Variants in NRG1 observed in about 807,000 individuals in gnomAD.
The protein encoded by NRG1 is pro-neuregulin-1, membrane-bound isoform.
A neutral mutation model predicts 63.8 loss-of-function variants in NRG1; 18 were observed. That is an observed-to-expected ratio of 0.28 (90% CI 0.19 to 0.42). The LOEUF is 0.42. Ranked by LOEUF, NRG1 falls within the 10% of genes least tolerant of loss-of-function variation. The probability of loss-of-function intolerance (pLI) is 1.00; values close to 1 mark genes in which losing one functional copy is unlikely to be tolerated. For synonymous variants in NRG1, 302 were observed against 301.3 expected (o/e 1.00, Z -0.02); for missense variants, 762 against 814.7 (o/e 0.94, Z 0.79).
At chr8:32,726,011 C>T (rs1011149099) in intron 5 of NRG1, among the ~76,000 whole-genome samples, 4 of 152,092 alleles carry the variant, frequency 2.6e-5, no homozygotes, top group Non-Finnish European at 4.4e-5. Context: ...CCTGTCTACT[C>T]ATTCTTTCTT....
intron 1 of NRG1, among the ~76,000 whole-genome samples, chr8:31,870,915 T>G (rs2129611533): frequency 6.6e-6 from 1 of 152,294 alleles, no homozygotes; most frequent in African/African-American, 2.4e-5. Context: ...AGGATGATGG[T>G]TTGGGAGATA....
At chr8:32,043,630 A>G (rs1042095127) in intron 1 of NRG1, among the ~76,000 whole-genome samples, 1 of 151,972 alleles carries the variant, frequency 6.6e-6, no homozygotes, top group Non-Finnish European at 1.5e-5. Context: ...TCCAGTATGC[A>G]TATTTAATTT....
chr8:31,891,460 TG>T (rs1264432384), intron 1 of NRG1, among the ~76,000 whole-genome samples: 2 of 152,046 alleles, frequency 1.3e-5, no homozygotes, highest in African/African-American at 4.8e-5. Flanking sequence ...ACTATCAAAA[TG>T]GCTAAAATAA....
At chr8:32,733,057 T>G (rs1253782943) in intron 6 of NRG1, among the ~76,000 whole-genome samples, 1 of 152,166 alleles carries the variant, frequency 6.6e-6, no homozygotes, top group Admixed American at 6.5e-5. Context: ...TCCACCTGCC[T>G]TGGCCTCCCA....
In NRG1 at chr8:31,835,189, C is replaced by T. The variant is rs527813223; in HGVS notation, c.37+195758C>T. ...AAATCTGTGAACTAGGAATTATGAA[C>T]GCATTTTACAAAACAGGACTCGTTG... On this transcript the variant is annotated intron_variant, in intron 1 of 10. Transcript: ENST00000519301. Among the ~76,000 whole-genome samples, 28 of 152,226 alleles carry T rather than the reference C, an allele frequency of 1.8e-4. No homozygotes were observed. In the South Asian group the frequency reaches 2.5e-3, roughly 14 times the overall value.
At chr8:32,600,398 G>A (rs975492730) in intron 2 of NRG1, among the ~76,000 whole-genome samples, 15 of 151,750 alleles carry the variant, frequency 9.9e-5, no homozygotes, top group Admixed American at 8.6e-4. Flanking sequence ...AACCAAAACT[G>A]TATAAACAGA....
At chr8:32,608,092 G>GTTTTTTTTTTTTT (rs1226154193) in intron 3 of NRG1, among the ~76,000 whole-genome samples, 6 of 106,192 alleles carry the variant, frequency 5.7e-5, no homozygotes, top group African/African-American at 6.7e-5. Flanking sequence ...GGTTTTTTTT[G>GTTTTTTTTTTTTT]TTTTTTTTTT....
At chr8:32,112,732 C>T (rs1361584977) in intron 1 of NRG1, among the ~76,000 whole-genome samples, 2 of 152,110 alleles carry the variant, frequency 1.3e-5, no homozygotes, top group Admixed American at 1.3e-4. Context: ...ATATGAGTGC[C>T]TCCCTCTATA....
At chr8:32,529,805 C>T (rs1831256952) in intron 1 of NRG1, among the ~76,000 whole-genome samples, 1 of 152,168 alleles carries the variant, frequency 6.6e-6, no homozygotes, top group Admixed American at 6.5e-5. Context: ...GATAACAATA[C>T]TTTCTTCTGG....
chr8:31,694,369 T>C (rs1249415726), intron 1 of NRG1, among the ~76,000 whole-genome samples: 1 of 152,202 alleles, frequency 6.6e-6, no homozygotes, highest in Non-Finnish European at 1.5e-5. Flanking sequence ...AATTGTTAAA[T>C]TACTAAATTA....
chr8:32,376,763 C>A (rs968916853), intron 1 of NRG1, among the ~76,000 whole-genome samples: 14 of 152,276 alleles, frequency 9.2e-5, no homozygotes, highest in African/African-American at 3.4e-4. Flanking sequence ...GCTTTTGATT[C>A]TGACCATGAT....
At chr8:32,383,087 A>G (rs1810556413) in intron 1 of NRG1, among the ~76,000 whole-genome samples, 1 of 151,456 alleles carries the variant, frequency 6.6e-6, no homozygotes, top group Non-Finnish European at 1.5e-5. Flanking sequence ...TTAGATGGGC[A>G]TGGTGGCACA....
At chr8:31,714,873 C>T (rs750539325) in intron 1 of NRG1, among the ~76,000 whole-genome samples, 2 of 152,104 alleles carry the variant, frequency 1.3e-5, no homozygotes, top group Non-Finnish European at 2.9e-5. Flanking sequence ...AATGAAGAAA[C>T]TGTTCTACCA....
chr8:31,849,191 C>A, intron 1 of NRG1, among the ~76,000 whole-genome samples: 1 of 152,170 alleles, frequency 6.6e-6, no homozygotes, highest in Admixed American at 6.5e-5. Flanking sequence ...CAACAGGCAT[C>A]TAAAGAATAT....
At chr8:31,693,763 A>G (rs959157403) in intron 1 of NRG1, among the ~76,000 whole-genome samples, 1 of 152,176 alleles carries the variant, frequency 6.6e-6, no homozygotes, top group Admixed American at 6.5e-5. Context: ...AATGGCTGAT[A>G]TGTGTCTTCA....
intron 1 of NRG1, among the ~76,000 whole-genome samples, chr8:31,903,494 C>T (rs1585633845): frequency 1.3e-5 from 2 of 152,130 alleles, no homozygotes; most frequent in Admixed American, 1.3e-4. Flanking sequence ...AACATCATGG[C>T]AAAGAGTCTA....
intron 1 of NRG1, among the ~76,000 whole-genome samples, chr8:31,851,876 G>A (rs930158018): frequency 2.0e-5 from 3 of 150,568 alleles, no homozygotes; most frequent in African/African-American, 7.3e-5. Flanking sequence ...TTTTGTTCTT[G>A]CGATAGTTTA....
At chr8:31,837,882 C>T (rs1162987532) in intron 1 of NRG1, among the ~76,000 whole-genome samples, 1 of 152,066 alleles carries the variant, frequency 6.6e-6, no homozygotes, top group African/African-American at 2.4e-5. Flanking sequence ...CATTCATCCC[C>T]TGATGGACAC....
intron 1 of NRG1, among the ~76,000 whole-genome samples, chr8:31,779,946 G>T (rs960302591): frequency 1.3e-5 from 2 of 152,186 alleles, no homozygotes; most frequent in South Asian, 2.1e-4. Context: ...TACTTATTTG[G>T]AGAGGATTAC....
Sources: allele counts gnomAD v4.1 joint callset (sites outside exome capture counted in the v4.1 genomes callset), GRCh38; gene constraint gnomAD v4.1.1; transcripts MANE v1.5; gene names NCBI Gene and HGNC (gene_info 2026-07-23, HGNC 2026-07-21).